Variants in GPM6A observed in about 807,000 individuals in gnomAD.
GPM6A encodes neuronal membrane glycoprotein M6-a.
GPM6A carries 7 observed loss-of-function variants against 32.1 expected under a neutral mutation model. That is an observed-to-expected ratio of 0.22 (90% CI 0.12 to 0.41). The LOEUF (loss-of-function observed/expected upper bound fraction) is 0.41. Ranked by LOEUF, GPM6A falls within the 10% of genes least tolerant of loss-of-function variation. The probability of loss-of-function intolerance (pLI) is 1.00; values close to 1 mark genes in which losing one functional copy is unlikely to be tolerated. For missense variants in GPM6A, 235 were observed against 347.2 expected, an observed-to-expected ratio of 0.68 and a Z score of 2.57; for synonymous variants, 130 against 123.4, an observed-to-expected ratio of 1.05 and a Z score of -0.35.
intron 1 of GPM6A, among the ~76,000 whole-genome samples, chr4:175,773,480 G>A (rs962708505): frequency 1.3e-5 from 2 of 151,992 alleles, no homozygotes; most frequent in Admixed American, 6.6e-5. Flanking sequence ...CTCAATCAGA[G>A]CTAAAAAAGG....
chr4:175,670,240 A>G (rs1400733132), intron 3 of GPM6A, among the ~76,000 whole-genome samples: 1 of 152,224 alleles, frequency 6.6e-6, no homozygotes, highest in Non-Finnish European at 1.5e-5. Flanking sequence ...TACATTTGGG[A>G]AATCTATTAC....
chr4:175,875,479 C>T (rs758593817), intron 1 of GPM6A, among the ~76,000 whole-genome samples: 7 of 152,178 alleles, frequency 4.6e-5, no homozygotes, highest in African/African-American at 7.2e-5. Context: ...TAAAGAATCA[C>T]TAGTGGCACT....
chr4:175,713,948 T>C lies in GPM6A; in HGVS notation c.38-12181A>G, dbSNP rs182269321. 2.1e-3 allele frequency among the ~76,000 whole-genome samples: 312 copies of C among 151,852 alleles called. 1 individual carries two copies. Among genetic ancestry groups the C allele is most frequent in the African/African-American group, 4.4e-3 (181 of 41,490 alleles). Reference sequence around the variant, plus strand: ...TCTGTTTGTTCTACTTTGTCATAGATTTTTTTTTGTCTTTTAGTCCTTCTG... The same window carrying C: ...TCTGTTTGTTCTACTTTGTCATAGACTTTTTTTTGTCTTTTAGTCCTTCTG... On this transcript the variant is annotated intron_variant, in intron 1 of 6. Coordinates refer to ENST00000393658, the MANE Select transcript of GPM6A (RefSeq NM_201591.3).
chr4:175,940,829 G>A (rs1012702482), intron 1 of GPM6A, among the ~76,000 whole-genome samples: 2 of 152,132 alleles, frequency 1.3e-5, no homozygotes, highest in African/African-American at 2.4e-5. Flanking sequence ...GGCTAGTCTC[G>A]AACTCTTGAC....
intron 1 of GPM6A, among the ~76,000 whole-genome samples, chr4:175,868,228 T>C (rs1344058031): frequency 6.6e-6 from 1 of 152,214 alleles, no homozygotes; most frequent in East Asian, 1.9e-4. Context: ...CTGTGTCATC[T>C]AGATCCAGAG....
At chr4:175,693,070 T>C (rs1199680096) in intron 2 of GPM6A, among the ~76,000 whole-genome samples, 1 of 152,020 alleles carries the variant, frequency 6.6e-6, no homozygotes, top group Non-Finnish European at 1.5e-5. Context: ...TTGTATCTGA[T>C]TAGCTGATGT....
intron 1 of GPM6A, among the ~76,000 whole-genome samples, chr4:175,721,285 G>C (rs1319459728): frequency 6.6e-6 from 1 of 151,096 alleles, no homozygotes; most frequent in Non-Finnish European, 1.5e-5. Flanking sequence ...AGACCAGCCT[G>C]GTCAACATAG....
At chr4:175,841,151 C>T (rs17062136) in intron 1 of GPM6A, among the ~76,000 whole-genome samples, 2,612 of 152,164 alleles carry the variant, frequency 0.017, 70 homozygotes, top group African/African-American at 0.059. Flanking sequence ...AATATGTAGG[C>T]CAAGGTTGCA....
chr4:175,802,823 T>C (rs1734523389), intron 1 of GPM6A, among the ~76,000 whole-genome samples: 1 of 152,148 alleles, frequency 6.6e-6, no homozygotes, highest in Non-Finnish European at 1.5e-5. Context: ...TGTATTTGAC[T>C]TCATTGCCAG....
chr4:175,640,978 G>A (rs995566572), intron 4 of GPM6A, 149 bp from the exon 5 acceptor site: 3 of 609,470 alleles, frequency 4.9e-6, no homozygotes, highest in South Asian at 2.0e-5. Context: ...CTTTCATTGT[G>A]GATAATAACT....
chr4:175,927,678 C>T (rs377171347), intron 1 of GPM6A, among the ~76,000 whole-genome samples: 13 of 152,250 alleles, frequency 8.5e-5, no homozygotes, highest in East Asian at 3.9e-4. Flanking sequence ...TGAGGTCAGG[C>T]GCTCGAGACG....
chr4:175,778,371 A>ATGCCTCCCACTTTGGGAGGCTGAGG (rs1460844062), intron 1 of GPM6A, among the ~76,000 whole-genome samples: 1 of 152,040 alleles, frequency 6.6e-6, no homozygotes, highest in Non-Finnish European at 1.5e-5. Flanking sequence ...GCGGTGGCTC[A>ATGCCTCCCACTTTGGGAGGCTGAGG]TGCCTCCCAC....
intron 1 of GPM6A, among the ~76,000 whole-genome samples, chr4:175,921,983 T>G (rs1238194851): frequency 1.3e-5 from 2 of 152,086 alleles, no homozygotes; most frequent in South Asian, 2.1e-4. Flanking sequence ...TCTCAGGGAG[T>G]AATAGAAGAC....
intron 1 of GPM6A, among the ~76,000 whole-genome samples, chr4:175,719,677 T>G (rs1746015738): frequency 6.6e-6 from 1 of 152,138 alleles, no homozygotes. Flanking sequence ...AAGTGCTGTC[T>G]AGAGAGCTTG....
intron 1 of GPM6A, among the ~76,000 whole-genome samples, chr4:175,942,227 GT>G (rs1472216616): frequency 1.3e-5 from 2 of 152,086 alleles, no homozygotes; most frequent in African/African-American, 4.8e-5. Flanking sequence ...TGATGGGGTT[GT>G]TTTTTTCTTC....
intron 1 of GPM6A, among the ~76,000 whole-genome samples, chr4:175,922,423 T>C (rs940822322): frequency 3.9e-5 from 6 of 152,148 alleles, no homozygotes; most frequent in African/African-American, 1.4e-4. Flanking sequence ...GCTCCATAAT[T>C]ATCTCAGAGC....
intron 3 of GPM6A, among the ~76,000 whole-genome samples, chr4:175,663,973 TG>T (rs1463920263): frequency 6.6e-6 from 1 of 152,184 alleles, no homozygotes; most frequent in Non-Finnish European, 1.5e-5. Context: ...AGTACAGGCA[TG>T]AGCCACCGTG....
intron 6 of GPM6A, among the ~76,000 whole-genome samples, chr4:175,637,278 A>C (rs1740730573): frequency 1.7e-5 from 1 of 60,010 alleles, no homozygotes; most frequent in East Asian, 6.2e-4. Flanking sequence ...TATATATTAT[A>C]TATTATATAA....
At chr4:175,859,829 C>T (rs1415653178) in intron 1 of GPM6A, among the ~76,000 whole-genome samples, 2 of 152,002 alleles carry the variant, frequency 1.3e-5, no homozygotes, top group African/African-American at 2.4e-5. Context: ...GCTGTGCCTC[C>T]AGGAATTTAA....
Sources: allele counts gnomAD v4.1 joint callset (sites outside exome capture counted in the v4.1 genomes callset), GRCh38; gene constraint gnomAD v4.1.1; transcripts MANE v1.5; gene names NCBI Gene and HGNC (gene_info 2026-07-23, HGNC 2026-07-21).